The following CPXM2 variants were observed in gnomAD, a reference collection of about 807,000 sequenced individuals.
CPXM2 encodes inactive carboxypeptidase-like protein X2.
Under a neutral mutation model 86.1 loss-of-function variants are expected in CPXM2, and 66 were observed. That is an observed-to-expected ratio of 0.77 (90% CI 0.63 to 0.94). The LOEUF (loss-of-function observed/expected upper bound fraction) is 0.94. CPXM2 is among the 40% of genes least tolerant of loss of function. CPXM2 has a pLI of 0.00. For missense variants in CPXM2, 948 were observed against 1,026.3 expected, an observed-to-expected ratio of 0.92 and a Z score of 1.04; for synonymous variants, 388 against 400.2, an observed-to-expected ratio of 0.97 and a Z score of 0.36.
chr10:123,875,085 G>T (rs1018561997), intron 2 of CPXM2, among the ~76,000 whole-genome samples: 1 of 152,180 alleles, frequency 6.6e-6, no homozygotes, highest in Non-Finnish European at 1.5e-5. Flanking sequence ...CATGTCTACT[G>T]TAGGCTACAG....
intron 2 of CPXM2, among the ~76,000 whole-genome samples, chr10:123,923,327 TC>T (rs1215230327): frequency 6.6e-6 from 1 of 152,124 alleles, no homozygotes; most frequent in Non-Finnish European, 1.5e-5. Context: ...ACGCCTGTAA[TC>T]CCAGCACTTT....
At chr10:123,801,637 T>A (rs1847461702) in intron 4 of CPXM2, among the ~76,000 whole-genome samples, 2 of 152,200 alleles carry the variant, frequency 1.3e-5, no homozygotes, top group South Asian at 4.1e-4. Flanking sequence ...GATCATGTCA[T>A]CCCTGCTTAA....
intron 4 of CPXM2, among the ~76,000 whole-genome samples, chr10:123,823,746 T>C (rs1252523223): frequency 1.3e-5 from 2 of 152,188 alleles, no homozygotes. Flanking sequence ...TAGTGGAATG[T>C]CAGAAGATGA....
At chr10:123,854,929 T>C (rs1347828530) in intron 3 of CPXM2, among the ~76,000 whole-genome samples, 2 of 152,072 alleles carry the variant, frequency 1.3e-5, no homozygotes, top group Non-Finnish European at 2.9e-5. Context: ...TGTGGTTCCT[T>C]AATAATCTGT....
At chr10:123,842,140 C>G (rs1848399564) in intron 4 of CPXM2, among the ~76,000 whole-genome samples, 1 of 152,236 alleles carries the variant, frequency 6.6e-6, no homozygotes, top group African/African-American at 2.4e-5. Context: ...CACTCCTGTA[C>G]AGGGGGAGGG....
intron 2 of CPXM2, among the ~76,000 whole-genome samples, chr10:123,906,652 T>C (rs1002278547): frequency 5.9e-5 from 9 of 152,168 alleles, no homozygotes; most frequent in African/African-American, 2.2e-4. Context: ...CAGAAATAAA[T>C]ACTTCATTTC....
intron 11 of CPXM2, among the ~76,000 whole-genome samples, chr10:123,760,298 G>A (rs957601880): frequency 3.3e-5 from 5 of 152,132 alleles, no homozygotes; most frequent in Admixed American, 3.3e-4. Context: ...TGGTAGGTGG[G>A]TTTTTAGGGC....
At chr10:123,814,251 A>G (rs1485209786) in intron 4 of CPXM2, among the ~76,000 whole-genome samples, 4 of 152,182 alleles carry the variant, frequency 2.6e-5, no homozygotes, top group Non-Finnish European at 5.9e-5. Flanking sequence ...CTTAATCTGG[A>G]TGGGCACCAT....
At chr10:123,766,378 T>C (rs1033418978) in intron 10 of CPXM2, among the ~76,000 whole-genome samples, 4 of 152,202 alleles carry the variant, frequency 2.6e-5, no homozygotes, top group African/African-American at 7.2e-5. Flanking sequence ...CACTAACTTA[T>C]ATATCAACAA....
chr10:123,822,470 A>G (rs985354338), intron 4 of CPXM2, among the ~76,000 whole-genome samples: 15 of 152,150 alleles, frequency 9.9e-5, no homozygotes, highest in African/African-American at 3.4e-4. Context: ...CTATAAAATT[A>G]ATGAATGAAC....
chr10:123,790,618 G>A (rs1847184912), intron 6 of CPXM2, among the ~76,000 whole-genome samples: 1 of 152,146 alleles, frequency 6.6e-6, no homozygotes. Context: ...GCTGCTAGGA[G>A]GACAGGCTGC....
At chr10:123,758,897 G>A (rs908820288) in intron 11 of CPXM2, among the ~76,000 whole-genome samples, 4 of 152,100 alleles carry the variant, frequency 2.6e-5, no homozygotes, top group Non-Finnish European at 4.4e-5. Flanking sequence ...CCTCTCCTGC[G>A]ATGCTCAGTA....
At chr10:123,919,212 TGA>T (rs1456922819) in intron 2 of CPXM2, among the ~76,000 whole-genome samples, 1 of 152,218 alleles carries the variant, frequency 6.6e-6, no homozygotes, top group Non-Finnish European at 1.5e-5. Flanking sequence ...ACAGAGCCTT[TGA>T]AAATCAAACT....
intron 2 of CPXM2, among the ~76,000 whole-genome samples, chr10:123,924,740 G>T (rs999803032): frequency 6.6e-6 from 1 of 152,132 alleles, no homozygotes; most frequent in African/African-American, 2.4e-5. Flanking sequence ...TCCTGGCTTG[G>T]TCTTTCTGGT....
intron 2 of CPXM2, among the ~76,000 whole-genome samples, chr10:123,931,257 C>A (rs560765351): frequency 3.9e-5 from 6 of 152,290 alleles, no homozygotes; most frequent in African/African-American, 1.4e-4. Context: ...AAAAAAAACC[C>A]TGGACACTGA....
At chr10:123,880,145 T>TTGGGGGGG in intron 2 of CPXM2, 66 bp downstream of exon 2, 10 of 407,576 alleles carry the variant, frequency 2.5e-5, no homozygotes, top group Admixed American at 3.3e-5. Context: ...CAGGGGCCTG[T>TTGGGGGGG]ACCCACCCAC....
intron 1 of CPXM2, among the ~76,000 whole-genome samples, chr10:123,890,626 C>CA (rs1322453602): frequency 6.6e-6 from 1 of 152,244 alleles, no homozygotes; most frequent in Non-Finnish European, 1.5e-5. Context: ...CCCCACTTCA[C>CA]AAGGTGGTTA....
At chr10:123,786,101 T>G (rs543568736) in intron 6 of CPXM2, among the ~76,000 whole-genome samples, 369 of 152,362 alleles carry the variant, frequency 2.4e-3, no homozygotes, top group Non-Finnish European at 4.2e-3. Context: ...AGATATGACC[T>G]ACATTTGGCC....
intron 2 of CPXM2, among the ~76,000 whole-genome samples, chr10:123,928,135 C>T (rs968705216): frequency 1.3e-5 from 2 of 152,176 alleles, no homozygotes; most frequent in Admixed American, 6.5e-5. Context: ...CCTTCATAGA[C>T]CACAGATTCA....
Sources: allele counts gnomAD v4.1 joint callset (sites outside exome capture counted in the v4.1 genomes callset), GRCh38; gene constraint gnomAD v4.1.1; transcripts MANE v1.5; gene names NCBI Gene and HGNC (gene_info 2026-07-23, HGNC 2026-07-21).